PRKCG: variants seen among roughly 807,000 people sequenced by gnomAD.
PRKCG encodes the protein protein kinase C gamma.
A neutral mutation model predicts 82.0 loss-of-function variants in PRKCG; 28 were observed. The ratio of observed to expected loss-of-function variants is 0.34; its 90% CI spans 0.25 to 0.47. PRKCG has a LOEUF of 0.47. Among genes scored for constraint, PRKCG ranks in the 20% least tolerant of loss-of-function variants. The probability of loss-of-function intolerance (pLI) is 1.00; values close to 1 mark genes in which losing one functional copy is unlikely to be tolerated. For missense variants in PRKCG, 640 were observed against 952.7 expected, an observed-to-expected ratio of 0.67 and a Z score of 4.32; for synonymous variants, 383 against 376.6, an observed-to-expected ratio of 1.02 and a Z score of -0.20.
intron 5 of PRKCG, among the ~76,000 whole-genome samples, chr19:53,891,250 T>C (rs543930285): frequency 6.6e-6 from 1 of 150,988 alleles, no homozygotes. Context: ...TAAGAAGTCA[T>C]GAGAAACGAG....
At position 53,907,251 on chromosome 19, in the gene PRKCG, C is replaced by A; in HGVS notation, c.*356C>A. 2.7e-6 allele frequency: 1 copy of A among 376,310 alleles called. No individual in the cohort carries two copies. Among genetic ancestry groups the A allele is most frequent in the South Asian group, 2.7e-5 (1 of 37,722 alleles). The allele number at this position is 376,310 out of a possible 1,614,324, so 23.3% of individuals were successfully genotyped here. On this transcript the variant is annotated 3_prime_UTR_variant, in exon 18 of 18. Transcript: ENST00000263431. ...TCTGTGCCTCCCCCCAGACCCCGCC[C>A]CTGGGGAAATAGCCTCACGGGGTTG...
chr19:53,902,695 G>A (rs1439016275), intron 14 of PRKCG, among the ~76,000 whole-genome samples: 2 of 151,858 alleles, frequency 1.3e-5, no homozygotes, highest in African/African-American at 4.8e-5. Context: ...GGGAGTTTGA[G>A]ACCAGCCTGG....
chr19:53,882,762 G>A lies in PRKCG; in HGVS notation c.170+98G>A. The A allele has an allele frequency of 1.3e-6, 2 of 1,483,058 alleles. No homozygotes were observed. Among genetic ancestry groups the A allele is most frequent in the Non-Finnish European group, 1.8e-6 (2 of 1,104,240 alleles). The allele number at this position is 1,483,058 out of a possible 1,614,324, so 91.9% of individuals were successfully genotyped here. Reference sequence around the variant, plus strand: ...TGGAAGGAAGAAGGAGGGGGCTGTAGTCCCGACTCCCAGGTTCTAGGATGG... The same window carrying A: ...TGGAAGGAAGAAGGAGGGGGCTGTAATCCCGACTCCCAGGTTCTAGGATGG... On this transcript the variant is annotated intron_variant, in intron 1 of 17. Transcript: ENST00000263431. This position sits in a 1 kb window ranked among gnomAD's most constrained non-coding sequence, Gnocchi z 6.1.
At chr19:53,895,568 T>G (rs1448865009) in intron 9 of PRKCG, among the ~76,000 whole-genome samples, 1 of 151,764 alleles carries the variant, frequency 6.6e-6, no homozygotes, top group African/African-American at 2.4e-5. Flanking sequence ...TTTACTGGAC[T>G]CTTACAGAAA....
At chr19:53,890,773 A>G (rs1012627241) in intron 5 of PRKCG, among the ~76,000 whole-genome samples, 2 of 138,810 alleles carry the variant, frequency 1.4e-5, no homozygotes, top group South Asian at 2.3e-4. Context: ...TTTTTTTGAG[A>G]CAAGATCTCG....
chr19:53,888,635 A>G (rs2068649222), intron 3 of PRKCG, among the ~76,000 whole-genome samples: 3 of 152,122 alleles, frequency 2.0e-5, no homozygotes, highest in African/African-American at 7.2e-5. Flanking sequence ...TAGTATTGGG[A>G]GCATCTAACG....
intron 14 of PRKCG, among the ~76,000 whole-genome samples, chr19:53,901,740 C>G (rs1365224548): frequency 7.1e-6 from 1 of 141,156 alleles, no homozygotes; most frequent in African/African-American, 2.7e-5. Context: ...GTCCCAGCTA[C>G]TTGGGAGGCT....
rs2068596924 is a variant in PRKCG, at chr19:53,882,245, C to G, written c.-250C>G. On this transcript the variant is annotated 5_prime_UTR_variant, in exon 1 of 18. Transcript: ENST00000263431. The surrounding 1 kb of genome is among the most constrained non-coding windows in gnomAD (Gnocchi z 6.1). ...GGAGCTCCCACCGCCGCCGCCCGTG[C>G]CTCCGGCTGCCGGCGCCCCTGCCTT... The G allele has an allele frequency of 1.8e-6, 1 of 549,108 alleles. No homozygotes were observed. Among genetic ancestry groups the G allele is most frequent in the Non-Finnish European group, 3.3e-6 (1 of 303,930 alleles). The allele number at this position is 549,108 out of a possible 1,614,324, so 34.0% of individuals were successfully genotyped here.
intron 16 of PRKCG, 85 bp from the exon 17 acceptor site, chr19:53,906,232 G>C: frequency 6.6e-7 from 1 of 1,523,748 alleles, no homozygotes; most frequent in South Asian, 1.2e-5. Flanking sequence ...TCCTCCATCT[G>C]CCTGTCTCTG....
chr19:53,906,657 C>G (rs2068814124), intron 17 of PRKCG, 50 bp from the exon 18 acceptor site: 2 of 1,598,060 alleles, frequency 1.3e-6, no homozygotes, highest in African/African-American at 2.7e-5. Flanking sequence ...GAGGGACACC[C>G]GAGGAGCCCT....
rs1032868211 is a variant in PRKCG at position 53,907,517 on chromosome 19, C to G, written c.*622C>G. ...GCAGCCCGCCTGCCGTGCATGGCTCCTGTCTGGCTCGGACCCACCCCAACT... is the reference window on the plus strand; with the variant it reads ...GCAGCCCGCCTGCCGTGCATGGCTCGTGTCTGGCTCGGACCCACCCCAACT... On this transcript the variant is annotated 3_prime_UTR_variant, in exon 18 of 18. Transcript: ENST00000263431. 76 of 160,698 alleles carry G rather than the reference C, an allele frequency of 4.7e-4. No homozygotes were observed. Among genetic ancestry groups the G allele is most frequent in the Admixed American group, 2.5e-3 (42 of 16,776 alleles). 10.0% of individuals were successfully genotyped at this position (160,698 alleles called of 1,614,324 possible).
chr19:53,884,382 C>A lies in PRKCG; in HGVS notation c.285+139C>A. On this transcript the variant is annotated intron_variant, in intron 3 of 17. Transcript: ENST00000263431. The surrounding 1 kb of genome is among the most constrained non-coding windows in gnomAD (Gnocchi z 4.6). ...GAGAGATAGGGGGAGCTATCTGGCC[C>A]AGATTCCTTGCCCTTGGCCTGGAAA... 1.2e-6 allele frequency: 1 copy of A among 862,756 alleles called. No homozygotes were observed. Among genetic ancestry groups the A allele is most frequent in the Non-Finnish European group, 1.9e-6 (1 of 527,714 alleles). 53.4% of individuals were successfully genotyped at this position (862,756 alleles called of 1,614,324 possible). A position where few individuals can be genotyped will look rare whatever the true frequency, so the allele number is the denominator to read the frequency against.
rs780245480 is a variant in PRKCG, at chr19:53,898,443, A to G, written c.1096A>G (p.Met366Val). 1.9e-6 allele frequency: 3 copies of G among 1,613,892 alleles called. No homozygotes were observed. The South Asian group carries it at 3.3e-5, about 18-fold the overall frequency. The change falls in exon 11 of 18, where the codon ATG becomes GTG. Residue 366 changes from methionine (M) to valine (V), a missense_variant. By Grantham distance (21) the Met-to-Val change is conservative. Transcript: ENST00000263431. ...VLGKGSFGKVMLAERRGSDEL... is the reference protein window; with the variant it reads ...VLGKGSFGKVVLAERRGSDEL... ...CCTTTTGGAACTGTGCGCATAGGTG[A>G]TGCTGGCCGAGCGCAGGGGCTCTGA...
At chr19:53,885,957 C>G (rs888503043) in intron 3 of PRKCG, among the ~76,000 whole-genome samples, 1 of 150,562 alleles carries the variant, frequency 6.6e-6, no homozygotes, top group Admixed American at 6.6e-5. Flanking sequence ...CCCAGCTACT[C>G]GGGAGGCTGA....
intron 5 of PRKCG, 102 bp downstream of exon 5, chr19:53,890,119 C>T (rs1188417807): frequency 7.9e-7 from 1 of 1,271,882 alleles, no homozygotes; most frequent in African/African-American, 1.5e-5. Context: ...AAAGATGGGG[C>T]CACGCCTCTT....
At chr19:53,896,976 T>C (rs2068722661) in intron 9 of PRKCG, among the ~76,000 whole-genome samples, 1 of 151,914 alleles carries the variant, frequency 6.6e-6, no homozygotes, top group African/African-American at 2.4e-5. Context: ...CTAAAGGGTG[T>C]TTGGGAGACA....
chr19:53,900,195 G>C lies in PRKCG; in HGVS notation c.1282-38G>C. 6.3e-7 allele frequency: 1 copy of C among 1,578,524 alleles called. No individual in the cohort carries two copies. Among genetic ancestry groups the C allele is most frequent in the Non-Finnish European group, 8.7e-7 (1 of 1,147,646 alleles). On this transcript the variant is annotated intron_variant, in intron 11 of 17. Coordinates refer to ENST00000263431, the MANE Select transcript of PRKCG (RefSeq NM_002739.5). The surrounding 1 kb of genome is among the most constrained non-coding windows in gnomAD (Gnocchi z 4.2). ...GAAAGAAATTCTCCTACTCTGGGTA[G>C]ATGGATCCCGCCTCTAAGCCCATGC...
In PRKCG at chr19:53,886,164, G is replaced by C. The variant is rs545322340; in HGVS notation, c.285+1921G>C. 1.3e-3 allele frequency among the ~76,000 whole-genome samples: 199 copies of C among 151,210 alleles called. 1 individual carries two copies. Among genetic ancestry groups the C allele is most frequent in the African/African-American group, 4.7e-3 (194 of 41,226 alleles). On this transcript the variant is annotated intron_variant, in intron 3 of 17. Coordinates refer to ENST00000263431, the MANE Select transcript of PRKCG (RefSeq NM_002739.5). Reference sequence around the variant, plus strand: ...CTGTCACCCAGGCTGGAGTGCACTGGTGCAATCTTGGTTCACTGCAACCTC... The same window carrying C: ...CTGTCACCCAGGCTGGAGTGCACTGCTGCAATCTTGGTTCACTGCAACCTC...
chr19:53,901,042 C>A (rs554914933), intron 14 of PRKCG, among the ~76,000 whole-genome samples: 1 of 152,314 alleles, frequency 6.6e-6, no homozygotes, highest in East Asian at 1.9e-4. Context: ...ACCCTGGATC[C>A]TTCTGAGAAG....
Sources: gnomAD v4.1 joint callset for allele counts (sites outside exome capture counted in the v4.1 genomes callset) on GRCh38, gnomAD v4.1.1 for gene constraint, Gnocchi (gnomAD v3.1) non-coding constraint, MANE v1.5 for transcripts, NCBI Gene and HGNC (gene_info 2026-07-23, HGNC 2026-07-21) for gene names.